The following HCRTR2 variants were observed in gnomAD, a reference collection of about 807,000 sequenced individuals.
The protein encoded by HCRTR2 is orexin receptor type 2.
In HCRTR2, 22 loss-of-function variants were observed where a neutral mutation model predicts 49.0. That is an observed-to-expected ratio of 0.45 (90% CI 0.32 to 0.64). The LOEUF is 0.64. Ranked by LOEUF, HCRTR2 falls within the 30% of genes least tolerant of loss-of-function variation. HCRTR2 has a pLI of 0.04. For synonymous variants in HCRTR2, 236 were observed against 205.3 expected, an observed-to-expected ratio of 1.15 and a Z score of -1.28; for missense variants, 491 against 559.4, an observed-to-expected ratio of 0.88 and a Z score of 1.23.
intron 1 of HCRTR2, among the ~76,000 whole-genome samples, chr6:55,180,576 G>T (rs1408241762): frequency 6.6e-6 from 1 of 151,996 alleles, no homozygotes; most frequent in South Asian, 2.1e-4. Context: ...TGTTCAGGGG[G>T]TTGACTCACT....
chr6:55,111,081 C>T (rs1209088291), intron 1 of HCRTR2, among the ~76,000 whole-genome samples: 2 of 152,056 alleles, frequency 1.3e-5, no homozygotes, highest in Non-Finnish European at 2.9e-5. Context: ...ACTCTCAAAA[C>T]CATGCAAATA....
intron 4 of HCRTR2, among the ~76,000 whole-genome samples, chr6:55,269,277 AACAAG>A (rs1183275870): frequency 1.3e-5 from 2 of 152,164 alleles, no homozygotes; most frequent in African/African-American, 4.8e-5. Flanking sequence ...TAAAGTCAGA[AACAAG>A]ACAAGTATGT....
chr6:55,263,035 A>G (rs1210418214), intron 3 of HCRTR2, among the ~76,000 whole-genome samples: 1 of 151,732 alleles, frequency 6.6e-6, no homozygotes, highest in Non-Finnish European at 1.5e-5. Flanking sequence ...TAAAATTCTC[A>G]TTTTTATTAA....
intron 1 of HCRTR2, among the ~76,000 whole-genome samples, chr6:55,201,067 G>A (rs576583487): frequency 5.5e-4 from 83 of 152,214 alleles, no homozygotes; most frequent in African/African-American, 2.0e-3. Flanking sequence ...AAGCTGATGA[G>A]AGTAGGAATT....
chr6:55,153,026 T>C (rs887396644), intron 1 of HCRTR2, among the ~76,000 whole-genome samples: 3 of 152,018 alleles, frequency 2.0e-5, no homozygotes, highest in Non-Finnish European at 4.4e-5. Context: ...ATGGTCATCT[T>C]TTAAGTTTAA....
chr6:55,282,278 C>A lies in HCRTR2; in HGVS notation c.1159C>A (p.His387Asn). ...GTTTTCTTGCTGTTGCCTTGGAGTT[C>A]ACCATCGCCAGGAGGATCGGCTCAC... is the stretch of plus-strand genomic sequence containing the variant. ...AAFSCCCLGVHHRQEDRLTRG... is the reference protein window; with the variant it reads ...AAFSCCCLGVNHRQEDRLTRG... The change falls in exon 7 of 7, where the codon CAC becomes AAC. Residue 387 changes from histidine (H) to asparagine (N), a missense_variant. Physicochemically the swap from His to Asn is moderately conservative, Grantham distance 68. Transcript: ENST00000370862. 6.2e-7 allele frequency: 1 copy of A among 1,613,846 alleles called. No homozygotes were observed. Among genetic ancestry groups the A allele is most frequent in the Admixed American group, 1.7e-5 (1 of 59,896 alleles).
At chr6:55,122,237 T>C (rs1764211147) in intron 1 of HCRTR2, among the ~76,000 whole-genome samples, 1 of 152,226 alleles carries the variant, frequency 6.6e-6, no homozygotes. Flanking sequence ...CTAGATTTTC[T>C]AGTTTATTTG....
At position 55,282,431 on chromosome 6, in the gene HCRTR2, GC is replaced by G; in HGVS notation, c.1313del (p.Ala438GlufsTer19). ...SISTLPAANG[A>X]GPLQNW ...AAGCACACTCCCAGCAGCCAATGGA[GC>G]AGGACCACTTCAAAACTGGTAGAAT... On this transcript the variant is annotated frameshift_variant, in exon 7 of 7. Transcript: ENST00000370862. LOFTEE classifies it high-confidence loss of function. 1 of 1,596,326 alleles carries G rather than the reference GC, an allele frequency of 6.3e-7. No homozygotes were observed. Among genetic ancestry groups the G allele is most frequent in the Non-Finnish European group, 8.6e-7 (1 of 1,164,220 alleles).
chr6:55,249,950 A>G (rs1766517344), intron 2 of HCRTR2, among the ~76,000 whole-genome samples: 1 of 152,096 alleles, frequency 6.6e-6, no homozygotes, highest in Non-Finnish European at 1.5e-5. Flanking sequence ...ATAAGCTCCC[A>G]GTAACAAAAA....
intron 2 of HCRTR2, among the ~76,000 whole-genome samples, chr6:55,251,293 AG>A (rs1173749516): frequency 1.3e-5 from 2 of 152,138 alleles, no homozygotes; most frequent in Non-Finnish European, 2.9e-5. Flanking sequence ...TACAGCCTTT[AG>A]ATTTATGAGT....
chr6:55,141,864 TAAAGA>T (rs1007332692), intron 1 of HCRTR2, among the ~76,000 whole-genome samples: 2 of 152,138 alleles, frequency 1.3e-5, no homozygotes, highest in East Asian at 1.9e-4. Flanking sequence ...GAATTATTGC[TAAAGA>T]AAAGTAAAAG....
chr6:55,210,772 G>T (rs754097599), intron 1 of HCRTR2, among the ~76,000 whole-genome samples: 32 of 151,994 alleles, frequency 2.1e-4, no homozygotes, highest in Non-Finnish European at 3.5e-4. Flanking sequence ...ACTAGACTTG[G>T]GTTCTTTAAC....
intron 1 of HCRTR2, among the ~76,000 whole-genome samples, chr6:55,150,413 A>T (rs1275020716): frequency 6.6e-6 from 1 of 151,886 alleles, no homozygotes; most frequent in Admixed American, 6.6e-5. Context: ...TGTTAACTGT[A>T]AGCACTCTGC....
intron 1 of HCRTR2, among the ~76,000 whole-genome samples, chr6:55,157,846 C>A (rs1764751084): frequency 2.6e-5 from 4 of 152,210 alleles, no homozygotes; most frequent in Non-Finnish European, 5.9e-5. Flanking sequence ...CTGCAATGAT[C>A]AAAAACTTAG....
chr6:55,238,353 T>C (rs549196276), intron 1 of HCRTR2, among the ~76,000 whole-genome samples: 1 of 152,202 alleles, frequency 6.6e-6, no homozygotes, highest in African/African-American at 2.4e-5. Context: ...ACTTGCTTTC[T>C]TGGAATTTTA....
intron 1 of HCRTR2, among the ~76,000 whole-genome samples, chr6:55,227,022 T>G (rs1279739078): frequency 6.6e-6 from 1 of 152,168 alleles, no homozygotes; most frequent in Admixed American, 6.5e-5. Context: ...AATTTAAATT[T>G]TAAAATATGA....
At chr6:55,216,981 C>T (rs1765798550) in intron 1 of HCRTR2, among the ~76,000 whole-genome samples, 1 of 152,148 alleles carries the variant, frequency 6.6e-6, no homozygotes, top group Non-Finnish European at 1.5e-5. Context: ...AGAATTAGCA[C>T]CAGGTGGACA....
At chr6:55,142,229 C>A (rs71560895) in intron 1 of HCRTR2, among the ~76,000 whole-genome samples, 4,284 of 151,854 alleles carry the variant, frequency 0.028, 154 homozygotes, top group African/African-American at 0.078. Context: ...CGGAGTCTTG[C>A]TCTGTCGCCC....
Position 55,248,806 on chromosome 6 carries a change from C to A in HCRTR2, c.391C>A (p.Pro131Thr). The change falls in exon 2 of 7, where the codon CCT becomes ACT. Residue 131 changes from proline (P) to threonine (T), a missense_variant. Coordinates refer to ENST00000370862, the MANE Select transcript of HCRTR2 (RefSeq NM_001384272.1). ...FFGQSLCKVIPYLQTVSVSVS... is the reference protein window; with the variant it reads ...FFGQSLCKVITYLQTVSVSVS... ...TGGACAGTCCCTTTGCAAAGTGATTCCTTATCTACAGGTAATTGTTTTTAA... is the reference window on the plus strand; with the variant it reads ...TGGACAGTCCCTTTGCAAAGTGATTACTTATCTACAGGTAATTGTTTTTAA... The A allele has an allele frequency of 6.2e-7, 1 of 1,612,744 alleles. No homozygotes were observed. Among genetic ancestry groups the A allele is most frequent in the South Asian group, 1.1e-5 (1 of 91,054 alleles).
Sources: gnomAD v4.1 joint callset for allele counts (sites outside exome capture counted in the v4.1 genomes callset) on GRCh38, gnomAD v4.1.1 for gene constraint, MANE v1.5 for transcripts, NCBI Gene and HGNC (gene_info 2026-07-23, HGNC 2026-07-21) for gene names.